PRDM5: variants seen among roughly 807,000 people sequenced by gnomAD.
PRDM5 encodes PR domain zinc finger protein 5.
Under a neutral mutation model 81.2 loss-of-function variants are expected in PRDM5, and 56 were observed. The observed-to-expected ratio is 0.69, with a 90% CI of 0.56 to 0.86. The LOEUF (loss-of-function observed/expected upper bound fraction) is 0.86. Ranked by LOEUF, PRDM5 falls within the 40% of genes least tolerant of loss-of-function variation. PRDM5 has a pLI of 0.00. For missense variants in PRDM5, 697 were observed against 770.1 expected, an observed-to-expected ratio of 0.91 and a Z score of 1.12; for synonymous variants, 267 against 256.4, an observed-to-expected ratio of 1.04 and a Z score of -0.39.
chr4:120,878,707 T>C (rs1315365916), intron 2 of PRDM5, among the ~76,000 whole-genome samples: 4 of 152,170 alleles, frequency 2.6e-5, no homozygotes, highest in African/African-American at 9.6e-5. Flanking sequence ...AACAACTCAA[T>C]TTTTTAAATG....
intron 2 of PRDM5, among the ~76,000 whole-genome samples, chr4:120,867,591 A>G (rs1050530416): frequency 1.3e-5 from 2 of 152,222 alleles, no homozygotes; most frequent in African/African-American, 4.8e-5. Context: ...GACATAATAA[A>G]CCATTAAAAA....
chr4:120,824,135 C>G (rs1755651338), intron 3 of PRDM5, among the ~76,000 whole-genome samples: 2 of 152,294 alleles, frequency 1.3e-5, no homozygotes, highest in Admixed American at 1.3e-4. Flanking sequence ...ATACATTACC[C>G]AGTGTCAGGT....
At chr4:120,794,514 AACACACACACACACACACACACAC>A (rs70948364) in intron 10 of PRDM5, among the ~76,000 whole-genome samples, 4 of 143,612 alleles carry the variant, frequency 2.8e-5, no homozygotes, top group Non-Finnish European at 4.5e-5. Context: ...TCCAAAATCT[AACACACACACACACACACACACAC>A]ACACACACAC....
At chr4:120,784,951 G>C (rs778521673) in intron 11 of PRDM5, 47 bp downstream of exon 11, 14 of 1,429,872 alleles carry the variant, frequency 9.8e-6, no homozygotes, top group African/African-American at 1.4e-5. Context: ...TAAAAACAAA[G>C]TATGAGATAA....
chr4:120,919,848 C>A (rs1177916336), intron 1 of PRDM5, among the ~76,000 whole-genome samples: 1 of 152,100 alleles, frequency 6.6e-6, no homozygotes, highest in Non-Finnish European at 1.5e-5. Context: ...TAGCAAATCA[C>A]AATGTGTAAA....
intron 8 of PRDM5, among the ~76,000 whole-genome samples, chr4:120,800,735 CTA>C (rs1464852074): frequency 6.6e-6 from 1 of 152,006 alleles, no homozygotes; most frequent in Non-Finnish European, 1.5e-5. Flanking sequence ...AAATGGGTAA[CTA>C]TGTGAGATAA....
At chr4:120,859,178 G>T (rs1483210664) in intron 2 of PRDM5, among the ~76,000 whole-genome samples, 1 of 151,748 alleles carries the variant, frequency 6.6e-6, no homozygotes, top group Non-Finnish European at 1.5e-5. Context: ...TGCTTTCAAT[G>T]GCACAGCTGG....
intron 14 of PRDM5, among the ~76,000 whole-genome samples, chr4:120,747,919 G>A (rs1743381268): frequency 6.6e-6 from 1 of 152,178 alleles, no homozygotes; most frequent in Non-Finnish European, 1.5e-5. Flanking sequence ...TGGCCCAGGT[G>A]CCTTCCATGT....
intron 3 of PRDM5, among the ~76,000 whole-genome samples, chr4:120,845,186 A>G (rs914125339): frequency 6.6e-6 from 1 of 152,270 alleles, no homozygotes; most frequent in African/African-American, 2.4e-5. Context: ...CAAGTTATCC[A>G]GAAGATCTAT....
At chr4:120,687,199 G>A (rs1733871804), downstream of PRDM5, among the ~76,000 whole-genome samples, 2 of 151,944 alleles carry the variant, frequency 1.3e-5, no homozygotes, top group East Asian at 1.9e-4. Flanking sequence ...TATACAGCAC[G>A]GTAGTGTTAA....
At chr4:120,907,441 T>A (rs373213460) in intron 2 of PRDM5, 33 bp downstream of exon 2, 2 of 1,494,822 alleles carry the variant, frequency 1.3e-6, no homozygotes, top group Non-Finnish European at 1.9e-6. Context: ...AATACAAATA[T>A]ATTTTTAACA....
chr4:120,869,939 T>C (rs1321669357), intron 2 of PRDM5, among the ~76,000 whole-genome samples: 4 of 151,066 alleles, frequency 2.6e-5, no homozygotes, highest in Non-Finnish European at 5.9e-5. Flanking sequence ...AAAGTCTACA[T>C]GAGAGCACTG....
intron 3 of PRDM5, among the ~76,000 whole-genome samples, chr4:120,852,172 T>A (rs1309784706): frequency 6.6e-6 from 1 of 152,148 alleles, no homozygotes; most frequent in Non-Finnish European, 1.5e-5. Context: ...ATAGTTTGTA[T>A]CAAAACCTAA....
intron 13 of PRDM5, among the ~76,000 whole-genome samples, chr4:120,760,656 A>T (rs765303881): frequency 9.9e-5 from 15 of 152,166 alleles, no homozygotes; most frequent in Non-Finnish European, 1.8e-4. Flanking sequence ...CAGAAGCATG[A>T]TGGTAACTAT....
intron 15 of PRDM5, among the ~76,000 whole-genome samples, chr4:120,699,100 G>A (rs1326028052): frequency 7.2e-6 from 1 of 138,752 alleles, no homozygotes; most frequent in South Asian, 2.3e-4. Context: ...TTTTAAGATG[G>A]GATACATATT....
At chr4:120,834,062 T>G (rs185075822) in intron 3 of PRDM5, among the ~76,000 whole-genome samples, 2 of 152,068 alleles carry the variant, frequency 1.3e-5, no homozygotes, top group African/African-American at 4.8e-5. Flanking sequence ...TACAGGAAAT[T>G]TGTAAACGAT....
intron 1 of PRDM5, among the ~76,000 whole-genome samples, chr4:120,918,781 G>GT (rs763796003): frequency 6.6e-6 from 1 of 151,932 alleles, no homozygotes; most frequent in Non-Finnish European, 1.5e-5. Context: ...AGAGGCAACT[G>GT]TGAGCTGCAA....
At position 120,816,880 on chromosome 4, in the gene PRDM5, C is replaced by T. The variant is rs1346294925; in HGVS notation, c.695G>A (p.Arg232Gln). The part of the protein sequence containing the change: ...TAKSSLKESS[R>Q]SFQCSVCNSS... Reference sequence around the variant, plus strand: ...ATTGCAAACAGAGCACTGAAAACTTCGCGAAGACTCCTTTAGACTGCTTTT... The same window carrying T: ...ATTGCAAACAGAGCACTGAAAACTTTGCGAAGACTCCTTTAGACTGCTTTT... Residue 232 changes from arginine to glutamine, a missense_variant, in exon 6 of 16, where the codon CGA becomes CAA. By Grantham distance (43) the Arg-to-Gln change is conservative (BLOSUM62 1). Around this residue, in one of 3 missense-constraint regions of PRDM5, gnomAD observed 577 missense variants for 606.7 expected, o/e 0.95. Coordinates refer to ENST00000264808, the MANE Select transcript of PRDM5 (RefSeq NM_018699.4). 5.0e-6 allele frequency: 8 copies of T among 1,613,838 alleles called. No individual in the cohort carries two copies. The highest frequency in any genetic ancestry group is 6.8e-6 in the Non-Finnish European group (8 of 1,179,800).
chr4:120,711,573 G>C (rs997600082), intron 14 of PRDM5, among the ~76,000 whole-genome samples: 1 of 151,630 alleles, frequency 6.6e-6, no homozygotes, highest in Non-Finnish European at 1.5e-5. Context: ...GCCTCCCAAA[G>C]TGCTGAGATT....
Sources: gnomAD v4.1 joint callset for allele counts (sites outside exome capture counted in the v4.1 genomes callset) on GRCh38, gnomAD v4.1.1 for gene constraint, gnomAD v4.1.1 regional missense constraint, MANE v1.5 for transcripts, NCBI Gene and HGNC (gene_info 2026-07-23, HGNC 2026-07-21) for gene names.